UNC5D: variants seen among roughly 807,000 people sequenced by gnomAD.
UNC5D encodes unc-5 netrin receptor D.
In UNC5D, 39 loss-of-function variants were observed where a neutral mutation model predicts 105.4. That is an observed-to-expected ratio of 0.37 (90% CI 0.29 to 0.48). UNC5D has a LOEUF of 0.48. Ranked by LOEUF, UNC5D falls within the 20% of genes least tolerant of loss-of-function variation. The pLI is 0.98. For missense variants in UNC5D, 991 were observed against 1,202.4 expected (o/e 0.82, Z 2.60); for synonymous variants, 452 against 450.4 (o/e 1.00, Z -0.04).
chr8:35,751,418 C>A (rs1830277907), intron 13 of UNC5D, among the ~76,000 whole-genome samples: 1 of 152,180 alleles, frequency 6.6e-6, no homozygotes, highest in African/African-American at 2.4e-5. Context: ...GTTAGTCCTA[C>A]AAAGGCAATC....
At chr8:35,439,743 A>G (rs992263088) in intron 1 of UNC5D, among the ~76,000 whole-genome samples, 1 of 152,022 alleles carries the variant, frequency 6.6e-6, no homozygotes, top group African/African-American at 2.4e-5. Context: ...TCGTTTTTCC[A>G]TCTTCTAAAT....
chr8:35,472,086 T>C (rs896820587), intron 1 of UNC5D, among the ~76,000 whole-genome samples: 4 of 152,200 alleles, frequency 2.6e-5, no homozygotes, highest in African/African-American at 9.6e-5. Flanking sequence ...TTAAATGAAG[T>C]TGCTACTTAT....
At chr8:35,761,388 G>T (rs1005768364) in intron 14 of UNC5D, among the ~76,000 whole-genome samples, 2 of 152,056 alleles carry the variant, frequency 1.3e-5, no homozygotes, top group Admixed American at 1.3e-4. Context: ...CAATAATTCC[G>T]ACACTAGGGA....
At chr8:35,680,719 CAGGTGCT>C (rs1825603495) in intron 4 of UNC5D, among the ~76,000 whole-genome samples, 1 of 152,090 alleles carries the variant, frequency 6.6e-6, no homozygotes, top group Admixed American at 6.6e-5. Flanking sequence ...TCTTGATTTC[CAGGTGCT>C]AGGACTCCTT....
chr8:35,731,399 CAAAAA>C (rs57529561), intron 11 of UNC5D, among the ~76,000 whole-genome samples: 2 of 30,654 alleles, frequency 6.5e-5, no homozygotes, highest in Non-Finnish European at 1.5e-4. Context: ...ACTCTGTCTC[CAAAAA>C]AAAAAAAAAA....
intron 1 of UNC5D, among the ~76,000 whole-genome samples, chr8:35,462,106 A>C (rs1282591879): frequency 2.0e-5 from 3 of 152,152 alleles, no homozygotes; most frequent in Admixed American, 2.0e-4. Context: ...ATTAGTATTC[A>C]ATTTATTAAA....
chr8:35,612,723 C>CTTTTTTTTTTTTTTTT lies in UNC5D; in HGVS notation c.570+17076_570+17091dup, dbSNP rs57450378. Among the ~76,000 whole-genome samples, 413 of 64,804 alleles carry CTTTTTTTTTTTTTTTT rather than the reference C, an allele frequency of 6.4e-3. 4 individuals are homozygous for CTTTTTTTTTTTTTTTT. Among genetic ancestry groups the CTTTTTTTTTTTTTTTT allele is most frequent in the African/African-American group, 0.01 (141 of 14,082 alleles). The allele number at this position is 64,804 out of a possible 152,430, so 42.5% of individuals were successfully genotyped here. ...TATTAGAAACTGCTAAATGTTTTGC[C>CTTTTTTTTTTTTTTTT]TTTTTTTTTTTTTTTTTTTTTTTTT... On this transcript the variant is annotated intron_variant, in intron 4 of 16. Transcript: ENST00000404895.
intron 4 of UNC5D, among the ~76,000 whole-genome samples, chr8:35,636,748 G>A (rs1822399436): frequency 6.6e-6 from 1 of 152,130 alleles, no homozygotes; most frequent in Non-Finnish European, 1.5e-5. Flanking sequence ...TTCTCACAAG[G>A]TTGTTGTATA....
At chr8:35,266,565 C>A (rs1385124722) in intron 1 of UNC5D, among the ~76,000 whole-genome samples, 2 of 152,112 alleles carry the variant, frequency 1.3e-5, no homozygotes, top group Non-Finnish European at 2.9e-5. Context: ...TGGGAAACCA[C>A]CCCAAATTTA....
intron 4 of UNC5D, among the ~76,000 whole-genome samples, chr8:35,622,620 G>A (rs1038710721): frequency 1.3e-5 from 2 of 152,038 alleles, no homozygotes; most frequent in African/African-American, 4.8e-5. Flanking sequence ...ATATACCTTG[G>A]TTCTTGGCAC....
At chr8:35,261,673 A>C (rs1465684960) in intron 1 of UNC5D, among the ~76,000 whole-genome samples, 1 of 152,070 alleles carries the variant, frequency 6.6e-6, no homozygotes, top group African/African-American at 2.4e-5. Flanking sequence ...GAGGCTCATT[A>C]CCGATTCAGG....
chr8:35,538,579 G>T (rs916707506), intron 1 of UNC5D, among the ~76,000 whole-genome samples: 22 of 151,588 alleles, frequency 1.5e-4, no homozygotes, highest in Admixed American at 6.6e-5. Flanking sequence ...GTAGGCAGAA[G>T]AGAAAAAGGA....
At chr8:35,648,019 C>T (rs779954073) in intron 4 of UNC5D, among the ~76,000 whole-genome samples, 3 of 152,150 alleles carry the variant, frequency 2.0e-5, no homozygotes, top group Non-Finnish European at 2.9e-5. Flanking sequence ...TTGAAGTCAA[C>T]TGATGGCTAC....
intron 1 of UNC5D, among the ~76,000 whole-genome samples, chr8:35,493,671 A>C (rs1811356587): frequency 6.6e-6 from 1 of 152,156 alleles, no homozygotes; most frequent in African/African-American, 2.4e-5. Flanking sequence ...TGAAATAATA[A>C]TATTGAATAT....
intron 1 of UNC5D, among the ~76,000 whole-genome samples, chr8:35,523,671 G>A: frequency 8.0e-6 from 1 of 125,282 alleles, no homozygotes; most frequent in Non-Finnish European, 1.6e-5. Context: ...TTTGAAGGCA[G>A]GGCTTGAATT....
intron 1 of UNC5D, among the ~76,000 whole-genome samples, chr8:35,523,578 C>CTT (rs33917742): frequency 4.3e-4 from 42 of 97,500 alleles, no homozygotes; most frequent in African/African-American, 1.2e-3. Flanking sequence ...GTAATGTGCT[C>CTT]TTTTTTTTTT....
At chr8:35,257,651 C>T (rs1030193353) in intron 1 of UNC5D, among the ~76,000 whole-genome samples, 3 of 152,136 alleles carry the variant, frequency 2.0e-5, no homozygotes, top group African/African-American at 7.2e-5. Flanking sequence ...GCCAAATTGT[C>T]GCCTCAGGTA....
At chr8:35,236,026 C>G (rs1280039069) in intron 1 of UNC5D, 139 bp downstream of exon 1, 9 of 717,024 alleles carry the variant, frequency 1.3e-5, no homozygotes, top group Non-Finnish European at 1.7e-5. Context: ...GGATGGGAGC[C>G]GAGTGGAGGA....
intron 4 of UNC5D, among the ~76,000 whole-genome samples, chr8:35,618,387 A>C (rs10503981): frequency 6.6e-6 from 1 of 152,232 alleles, no homozygotes; most frequent in African/African-American, 2.4e-5. Context: ...AACTCATAAG[A>C]CTAATAGGCA....
Sources: gnomAD v4.1 joint callset for allele counts (sites outside exome capture counted in the v4.1 genomes callset) on GRCh38, gnomAD v4.1.1 for gene constraint, MANE v1.5 for transcripts, NCBI Gene and HGNC (gene_info 2026-07-23, HGNC 2026-07-21) for gene names.